The following PLCH1 variants were observed in gnomAD, a reference collection of about 807,000 sequenced individuals.
PLCH1 encodes the protein phospholipase C eta 1.
Under a neutral mutation model 126.7 loss-of-function variants are expected in PLCH1, and 60 were observed. The ratio of observed to expected loss-of-function variants is 0.47; its 90% CI spans 0.38 to 0.59. PLCH1 has a LOEUF of 0.59. PLCH1 is among the 20% of genes least tolerant of loss of function. The probability of loss-of-function intolerance (pLI) is 0.00; values close to 1 mark genes in which losing one functional copy is unlikely to be tolerated. For synonymous variants in PLCH1, 719 were observed against 734.9 expected (o/e 0.98, Z 0.35); for missense variants, 1,723 against 2,040.0 (o/e 0.84, Z 2.99).
intron 4 of PLCH1, among the ~76,000 whole-genome samples, chr3:155,592,923 G>A (rs1732402950): frequency 6.6e-6 from 1 of 152,134 alleles, no homozygotes; most frequent in Non-Finnish European, 1.5e-5. Flanking sequence ...TCTGCATGCT[G>A]TGAATATTGA....
chr3:155,453,999 G>T (rs934679422), intron 21 of PLCH1, among the ~76,000 whole-genome samples: 1 of 151,884 alleles, frequency 6.6e-6, no homozygotes, highest in African/African-American at 2.4e-5. Context: ...TCAGCCTAGT[G>T]GTTATACAAT....
chr3:155,517,192 A>T (rs1720454902), intron 11 of PLCH1, among the ~76,000 whole-genome samples: 1 of 152,102 alleles, frequency 6.6e-6, no homozygotes, highest in African/African-American at 2.4e-5. Context: ...CTGTAGCCCT[A>T]GCTACTTGGG....
intron 2 of PLCH1, among the ~76,000 whole-genome samples, chr3:155,606,687 A>G (rs1046505961): frequency 6.6e-6 from 1 of 152,200 alleles, no homozygotes; most frequent in African/African-American, 2.4e-5. Context: ...TTGGGCATGA[A>G]GAAGGTATTG....
At chr3:155,457,263 C>A in intron 21 of PLCH1, 1 of 152,340 alleles carries the variant, frequency 6.6e-6, no homozygotes, top group Non-Finnish European at 1.5e-5. Flanking sequence ...CCTCCTCCTG[C>A]CCTAGAGTTC....
intron 12 of PLCH1, among the ~76,000 whole-genome samples, chr3:155,506,225 T>A (rs1718663155): frequency 6.6e-6 from 1 of 152,018 alleles, no homozygotes; most frequent in African/African-American, 2.4e-5. Context: ...ATACAGAAAG[T>A]TAGATTATAT....
intron 21 of PLCH1, among the ~76,000 whole-genome samples, chr3:155,451,297 ATT>A (rs1712302704): frequency 6.6e-6 from 1 of 152,200 alleles, no homozygotes; most frequent in African/African-American, 2.4e-5. Context: ...CATGGTCTCA[ATT>A]ATCTTGCCAC....
intron 10 of PLCH1, among the ~76,000 whole-genome samples, chr3:155,547,522 C>T (rs1365227307): frequency 6.7e-6 from 1 of 148,158 alleles, no homozygotes; most frequent in African/African-American, 2.5e-5. Context: ...CCATTTGACC[C>T]ACCAATCCCA....
intron 2 of PLCH1, among the ~76,000 whole-genome samples, chr3:155,689,582 G>A (rs1745214516): frequency 6.6e-6 from 1 of 151,968 alleles, no homozygotes; most frequent in Non-Finnish European, 1.5e-5. Context: ...TTTAAAAGAA[G>A]GTTGAAATAA....
chr3:155,693,424 C>A (rs1745557975), intron 2 of PLCH1, among the ~76,000 whole-genome samples: 2 of 30,484 alleles, frequency 6.6e-5, no homozygotes, highest in Non-Finnish European at 9.3e-5. Context: ...GAGATTGCGC[C>A]ACTGCAGTCC....
chr3:155,515,425 G>C (rs1197423527), intron 11 of PLCH1, among the ~76,000 whole-genome samples: 1 of 152,214 alleles, frequency 6.6e-6, no homozygotes, highest in Non-Finnish European at 1.5e-5. Context: ...AGAATGCTAT[G>C]GAAATTTCAG....
At chr3:155,605,838 C>A (rs1411582735) in intron 2 of PLCH1, among the ~76,000 whole-genome samples, 1 of 152,102 alleles carries the variant, frequency 6.6e-6, no homozygotes, top group Non-Finnish European at 1.5e-5. Context: ...CTCTGAGCTA[C>A]CTTTGGGGTG....
intron 6 of PLCH1, among the ~76,000 whole-genome samples, chr3:155,580,920 T>C (rs570439942): frequency 1.1e-4 from 17 of 152,234 alleles, no homozygotes; most frequent in African/African-American, 4.1e-4. Flanking sequence ...TGAGGGTAGG[T>C]TTTGTCCACT....
chr3:155,531,260 A>T (rs944992012), intron 10 of PLCH1, among the ~76,000 whole-genome samples: 1 of 152,102 alleles, frequency 6.6e-6, no homozygotes, highest in Non-Finnish European at 1.5e-5. Flanking sequence ...GCAGGCAATG[A>T]CTCCTCTGCA....
intron 10 of PLCH1, among the ~76,000 whole-genome samples, chr3:155,542,191 G>A (rs1396841928): frequency 1.8e-4 from 28 of 152,282 alleles, no homozygotes; most frequent in South Asian, 1.0e-3. Flanking sequence ...CCAATACTGC[G>A]CTTTTCCGAC....
At chr3:155,719,888 C>G (rs766520887) in intron 1 of PLCH1, among the ~76,000 whole-genome samples, 1 of 151,956 alleles carries the variant, frequency 6.6e-6, no homozygotes. Flanking sequence ...TTCCGCCTCT[C>G]GAGCTCAAGC....
intron 2 of PLCH1, among the ~76,000 whole-genome samples, chr3:155,616,468 C>CA (rs1287067819): frequency 6.6e-6 from 1 of 152,178 alleles, no homozygotes; most frequent in African/African-American, 2.4e-5. Context: ...GTCAGAATAA[C>CA]AGAGTTCTCT....
intron 21 of PLCH1, among the ~76,000 whole-genome samples, chr3:155,466,135 C>A (rs1262928378): frequency 2.0e-5 from 3 of 152,290 alleles, no homozygotes; most frequent in Admixed American, 6.5e-5. Flanking sequence ...GGGCCTTCAG[C>A]AAACATAGGC....
chr3:155,681,923 A>T (rs1171194590), intron 2 of PLCH1, among the ~76,000 whole-genome samples: 2 of 152,166 alleles, frequency 1.3e-5, no homozygotes, highest in Non-Finnish European at 2.9e-5. Context: ...AAGCTGTTCC[A>T]GAGTACTCTG....
chr3:155,506,563 T>C (rs1718780700), intron 12 of PLCH1, among the ~76,000 whole-genome samples: 1 of 123,448 alleles, frequency 8.1e-6, no homozygotes, highest in Admixed American at 9.8e-5. Context: ...CCATGTGATC[T>C]CATTGTTCAA....
Sources: allele counts gnomAD v4.1 joint callset (sites outside exome capture counted in the v4.1 genomes callset), GRCh38; gene constraint gnomAD v4.1.1; transcripts MANE v1.5; gene names NCBI Gene and HGNC (gene_info 2026-07-23, HGNC 2026-07-21).